The following FZD3 variants were observed in gnomAD, a reference collection of about 807,000 sequenced individuals.
FZD3 encodes the protein frizzled-3.
FZD3 carries 30 observed loss-of-function variants against 60.7 expected under a neutral mutation model. The ratio of observed to expected loss-of-function variants is 0.49; its 90% confidence interval spans 0.37 to 0.67. FZD3 has a LOEUF of 0.67. Ranked by LOEUF, FZD3 falls within the 30% of genes least tolerant of loss-of-function variation. FZD3 has a pLI of 0.00. For missense variants in FZD3, 605 were observed against 838.7 expected (o/e 0.72, Z 3.44); for synonymous variants, 246 against 275.2 (o/e 0.89, Z 1.05).
At chr8:28,561,654 T>G (rs1017297383) in intron 7 of FZD3, among the ~76,000 whole-genome samples, 1 of 151,878 alleles carries the variant, frequency 6.6e-6, no homozygotes, top group Admixed American at 6.6e-5. Context: ...TACTTAAAAC[T>G]TAATTAAAGT....
chr8:28,509,616 T>A (rs1804231965), intron 3 of FZD3, among the ~76,000 whole-genome samples: 1 of 152,226 alleles, frequency 6.6e-6, no homozygotes. Context: ...CCCTAGTCCC[T>A]GGCAACTACC....
chr8:28,526,044 G>A (rs1804707225), intron 4 of FZD3, among the ~76,000 whole-genome samples: 1 of 152,024 alleles, frequency 6.6e-6, no homozygotes, highest in African/African-American at 2.4e-5. Flanking sequence ...CTTTCAGAAG[G>A]GTTGAAGATT....
intron 5 of FZD3, among the ~76,000 whole-genome samples, chr8:28,547,381 C>T (rs1437572293): frequency 2.0e-5 from 3 of 152,186 alleles, no homozygotes; most frequent in African/African-American, 7.2e-5. Flanking sequence ...GAACATACAT[C>T]ATTTCACATA....
chr8:28,509,581 C>T (rs1804230955), intron 3 of FZD3, among the ~76,000 whole-genome samples: 1 of 152,136 alleles, frequency 6.6e-6, no homozygotes, highest in South Asian at 2.1e-4. Flanking sequence ...CATTAAATAA[C>T]AAATCAGTCC....
intron 5 of FZD3, among the ~76,000 whole-genome samples, chr8:28,534,405 T>A (rs1292360799): frequency 1.3e-5 from 2 of 152,184 alleles, no homozygotes; most frequent in African/African-American, 4.8e-5. Flanking sequence ...ATGTAAAAAT[T>A]AGCCAGGCAT....
intron 4 of FZD3, among the ~76,000 whole-genome samples, chr8:28,524,264 TAAC>T (rs1804660815): frequency 6.6e-6 from 1 of 152,232 alleles, no homozygotes; most frequent in East Asian, 1.9e-4. Context: ...TCACTTGAAA[TAAC>T]ATCATCTGAT....
chr8:28,506,624 T>G (rs1203369720), intron 3 of FZD3, among the ~76,000 whole-genome samples: 1 of 152,058 alleles, frequency 6.6e-6, no homozygotes. Context: ...CCTGGAATGG[T>G]TTGTGTTTGC....
In FZD3 at chr8:28,573,511, A is replaced by G. The variant is rs980253710; in HGVS notation, c.*10500A>G. ...TGTATATTTTCAATGACCTTGAGAA[A>G]GGGAGCTAGTCATTTGTATTTATGG... On this transcript the variant is annotated 3_prime_UTR_variant, in exon 8 of 8. Transcript: ENST00000240093. The G allele has an allele frequency of 6.6e-5, 10 of 151,666 alleles. No homozygotes were observed. The highest frequency in any genetic ancestry group is 2.4e-4 in the African/African-American group (10 of 41,258). 9.4% of individuals were successfully genotyped at this position (151,666 alleles called of 1,614,324 possible).
chr8:28,538,165 C>T (rs1404693693), intron 5 of FZD3, among the ~76,000 whole-genome samples: 1 of 150,874 alleles, frequency 6.6e-6, no homozygotes, highest in Non-Finnish European at 1.5e-5. Flanking sequence ...TAATCTAGTA[C>T]TGTTATCACT....
intron 6 of FZD3, among the ~76,000 whole-genome samples, chr8:28,552,701 T>A (rs1805435707): frequency 6.6e-6 from 1 of 152,330 alleles, no homozygotes; most frequent in East Asian, 1.9e-4. Context: ...GTTACTTTAG[T>A]TTCAGCCTCA....
intron 3 of FZD3, among the ~76,000 whole-genome samples, chr8:28,507,327 T>G (rs1383980933): frequency 6.6e-6 from 1 of 152,136 alleles, no homozygotes; most frequent in East Asian, 1.9e-4. Context: ...ATCCCTGTGG[T>G]GTTGTTTACC....
chr8:28,511,947 A>C (rs530811933), intron 3 of FZD3, among the ~76,000 whole-genome samples: 1 of 152,264 alleles, frequency 6.6e-6, no homozygotes, highest in African/African-American at 2.4e-5. Flanking sequence ...AACTTTATAA[A>C]CCCTAAATCC....
At chr8:28,515,896 T>C (rs1418599052) in intron 3 of FZD3, among the ~76,000 whole-genome samples, 1 of 152,184 alleles carries the variant, frequency 6.6e-6, no homozygotes. Context: ...ATACAAAAGC[T>C]TTTATTTTTG....
At chr8:28,512,252 A>G (rs1328818627) in intron 3 of FZD3, among the ~76,000 whole-genome samples, 1 of 152,132 alleles carries the variant, frequency 6.6e-6, no homozygotes, top group East Asian at 1.9e-4. Context: ...TAGGCCTTTC[A>G]TGTTTCTTCT....
intron 1 of FZD3, 24 bp from the exon 2 acceptor site, chr8:28,499,909 T>C (rs1282491446): frequency 6.6e-6 from 1 of 152,234 alleles, no homozygotes; most frequent in Non-Finnish European, 1.5e-5. Context: ...AATACCTTTA[T>C]TCTTTTTAAT....
At position 28,536,433 on chromosome 8, in the gene FZD3, C is replaced by A. The variant is rs77308389; in HGVS notation, c.1404+8269C>A. On this transcript the variant is annotated intron_variant, in intron 5 of 7. Coordinates refer to ENST00000240093, the MANE Select transcript of FZD3 (RefSeq NM_017412.4). The stretch of plus-strand genomic sequence containing the variant: ...TTAAAAATTATTTTTATAGTCCGGG[C>A]GCAGTGGCTCATGCCTGTAATCCCA... 4.6e-3 allele frequency among the ~76,000 whole-genome samples: 706 copies of A among 152,288 alleles called. 24 individuals are homozygous for A. In the East Asian group the frequency reaches 0.09, roughly 19 times the overall value.
chr8:28,536,239 A>G (rs1039425912), intron 5 of FZD3, among the ~76,000 whole-genome samples: 2 of 152,136 alleles, frequency 1.3e-5, no homozygotes, highest in Admixed American at 6.6e-5. Flanking sequence ...TTCCTTTCCT[A>G]AAATGCCCCT....
intron 7 of FZD3, among the ~76,000 whole-genome samples, chr8:28,559,059 A>C (rs1484156334): frequency 1.3e-5 from 2 of 152,222 alleles, no homozygotes; most frequent in Non-Finnish European, 2.9e-5. Flanking sequence ...GGTTCGTGAA[A>C]GTATCTTAAA....
rs558149847 is a variant in FZD3 at position 28,554,091 on chromosome 8, T to C, written c.1554-1647T>C. ...TCTAACATTGTGCTAATCAAATTAA[T>C]GTTCTCCCCTTAAGTGAAGCCAGAT... On this transcript the variant is annotated intron_variant, in intron 6 of 7. Coordinates refer to ENST00000240093, the MANE Select transcript of FZD3 (RefSeq NM_017412.4). 2.0e-5 allele frequency among the ~76,000 whole-genome samples: 3 copies of C among 152,384 alleles called. No individual in the cohort carries two copies. In the East Asian group the frequency reaches 5.8e-4, roughly 29 times the overall value.
Sources: gnomAD v4.1 joint callset for allele counts (sites outside exome capture counted in the v4.1 genomes callset) on GRCh38, gnomAD v4.1.1 for gene constraint, MANE v1.5 for transcripts, NCBI Gene and HGNC (gene_info 2026-07-23, HGNC 2026-07-21) for gene names.